Variants in SSPN observed in about 807,000 individuals in gnomAD.
The protein encoded by SSPN is K-ras oncogene-associated protein.
Under a neutral mutation model 19.1 loss-of-function variants are expected in SSPN, and 15 were observed. The observed-to-expected ratio is 0.78, with a 90% CI of 0.52 to 1.21. The LOEUF is 1.21. Ranked by LOEUF, SSPN falls within the 50% of genes most tolerant of loss-of-function variation. The probability of loss-of-function intolerance (pLI) is 0.00; values close to 1 mark genes in which losing one functional copy is unlikely to be tolerated. For synonymous variants in SSPN, 147 were observed against 140.3 expected, an observed-to-expected ratio of 1.05 and a Z score of -0.34; for missense variants, 291 against 314.0, an observed-to-expected ratio of 0.93 and a Z score of 0.55.
intron 1 of SSPN, among the ~76,000 whole-genome samples, chr12:26,186,439 C>T (rs1383396875): frequency 2.6e-5 from 4 of 152,322 alleles, no homozygotes; most frequent in Middle Eastern, 3.4e-3. Context: ...CTGGCATTTC[C>T]TCATATGCCA....
At chr12:26,191,162 T>C (rs897057458), upstream of SSPN, among the ~76,000 whole-genome samples, 2 of 152,250 alleles carry the variant, frequency 1.3e-5, no homozygotes, top group African/African-American at 2.4e-5. Context: ...ATTCTTCTCC[T>C]GTATTTCTCA....
chr12:26,228,187 G>C (rs1945196008), intron 2 of SSPN, among the ~76,000 whole-genome samples: 2 of 152,016 alleles, frequency 1.3e-5, no homozygotes, highest in South Asian at 4.2e-4. Flanking sequence ...CTTGAGGTCA[G>C]GAGTTCAAGA....
intron 1 of SSPN, chr12:26,122,335 C>G: frequency 1.7e-6 from 2 of 1,160,624 alleles, no homozygotes; most frequent in Non-Finnish European, 2.1e-6. Flanking sequence ...GCCGCCGGGG[C>G]GGGGATGCCG....
intron 1 of SSPN, among the ~76,000 whole-genome samples, chr12:26,164,433 G>C (rs1944608459): frequency 6.6e-6 from 1 of 152,188 alleles, no homozygotes; most frequent in South Asian, 2.1e-4. Context: ...CCAGCACTTT[G>C]GGAGGCCGAG....
chr12:26,194,104 C>A (rs1469067275), upstream of SSPN, among the ~76,000 whole-genome samples: 3 of 152,148 alleles, frequency 2.0e-5, no homozygotes, highest in Non-Finnish European at 4.4e-5. Context: ...CTGAATGTTA[C>A]AATGACCATA....
At chr12:26,196,713 G>A (rs1313254299) in intron 1 of SSPN, among the ~76,000 whole-genome samples, 1 of 152,192 alleles carries the variant, frequency 6.6e-6, no homozygotes, top group Non-Finnish European at 1.5e-5. Flanking sequence ...CGCCCTGCTA[G>A]AGGCCTGACA....
chr12:26,134,114 A>G (rs1027184002), intron 1 of SSPN, among the ~76,000 whole-genome samples: 1 of 152,164 alleles, frequency 6.6e-6, no homozygotes, highest in Non-Finnish European at 1.5e-5. Context: ...TCTTGCCTAC[A>G]TCTCAGTCTC....
intron 1 of SSPN, chr12:26,122,801 G>A: frequency 1.9e-6 from 3 of 1,592,838 alleles, no homozygotes; most frequent in Non-Finnish European, 2.6e-6. Context: ...AGCCGCTGTC[G>A]GTGTCCGTGT....
chr12:26,226,589 C>T (rs1415163080), intron 2 of SSPN, among the ~76,000 whole-genome samples: 1 of 152,088 alleles, frequency 6.6e-6, no homozygotes, highest in Non-Finnish European at 1.5e-5. Flanking sequence ...GCCACCAGCG[C>T]GTTCCTTTTT....
At chr12:26,128,971 G>A (rs1037773911) in intron 1 of SSPN, among the ~76,000 whole-genome samples, 1 of 152,174 alleles carries the variant, frequency 6.6e-6, no homozygotes, top group Non-Finnish European at 1.5e-5. Flanking sequence ...TATCCTGTTT[G>A]CAAAGTCTTG....
At position 26,124,866 on chromosome 12, in the gene SSPN, G is replaced by A. The variant is rs1012581178; in HGVS notation, c.-31+2714G>A. ...ACGGTAGGCTTGGGAGACCTTGGGGGGATCTGTGCGTCTCCAGTCTCTCTC... is the reference window on the plus strand; with the variant it reads ...ACGGTAGGCTTGGGAGACCTTGGGGAGATCTGTGCGTCTCCAGTCTCTCTC... On this transcript the variant is annotated intron_variant, in intron 1 of 2. Coordinates refer to the SSPN transcript ENST00000538142. The A allele has an allele frequency of 9.4e-6, 12 of 1,276,826 alleles. No individual in the cohort carries two copies. In the African/African-American group the frequency reaches 1.8e-4, roughly 19 times the overall value. 79.1% of individuals were successfully genotyped at this position (1,276,826 alleles called of 1,614,324 possible).
At chr12:26,130,723 C>G (rs151147946) in intron 1 of SSPN, among the ~76,000 whole-genome samples, 63 of 152,248 alleles carry the variant, frequency 4.1e-4, no homozygotes, top group African/African-American at 1.4e-3. Flanking sequence ...TGAAGGTAAG[C>G]AGTCCAGGGG....
intron 1 of SSPN, among the ~76,000 whole-genome samples, chr12:26,131,577 T>C (rs1944397675): frequency 6.6e-6 from 1 of 152,134 alleles, no homozygotes; most frequent in African/African-American, 2.4e-5. Context: ...GGTCAGAAGA[T>C]TGTGGGAGGG....
Position 26,232,552 on chromosome 12 carries a change from A to G in SSPN, c.*1476A>G. 1 of 985,452 alleles carries G rather than the reference A, an allele frequency of 1.0e-6. No individual in the cohort carries two copies. Among genetic ancestry groups the G allele is most frequent in the Non-Finnish European group, 1.2e-6 (1 of 829,922 alleles). The allele number at this position is 985,452 out of a possible 1,614,324, so 61.0% of individuals were successfully genotyped here. On this transcript the variant is annotated 3_prime_UTR_variant, in exon 3 of 3. Transcript: ENST00000242729. ...GCATTGCCTATTGATACACTTTACT[A>G]ATCATGAAATTCTAACCTAAAAGGA...
intron 1 of SSPN, among the ~76,000 whole-genome samples, chr12:26,148,009 A>T (rs530235666): frequency 6.6e-6 from 1 of 152,358 alleles, no homozygotes; most frequent in Admixed American, 6.5e-5. Context: ...TAATTTTATA[A>T]AACAGACATG....
chr12:26,231,337 T>C lies in SSPN; in HGVS notation c.*261T>C, dbSNP rs1945230528. ...AACAGAACACTGAACAAGGAAAGAA[T>C]GGCATAGATCTATCTTTACAGTCTG... On this transcript the variant is annotated 3_prime_UTR_variant, in exon 3 of 3. Coordinates refer to ENST00000242729, the MANE Select transcript of SSPN (RefSeq NM_005086.5). The C allele has an allele frequency of 7.4e-6, 3 of 407,950 alleles. No individual in the cohort carries two copies. Among genetic ancestry groups the C allele is most frequent in the Admixed American group, 4.2e-5 (1 of 23,704 alleles). 25.3% of individuals were successfully genotyped at this position (407,950 alleles called of 1,614,324 possible).
intron 1 of SSPN, chr12:26,122,282 CGCGGCGGCGGCGGCGGCAGCGGCG>C (rs942589828): frequency 5.8e-6 from 7 of 1,202,370 alleles, no homozygotes; most frequent in South Asian, 4.2e-5. Flanking sequence ...GGCAGGGGAA[CGCGGCGGCGGCGGCGGCAGCGGCG>C]GCGGCGGCTG....
intron 1 of SSPN, among the ~76,000 whole-genome samples, chr12:26,183,295 G>T (rs1006302505): frequency 1.3e-5 from 2 of 152,008 alleles, no homozygotes; most frequent in African/African-American, 4.8e-5. Context: ...AAACTTTCTT[G>T]TAGAAATGGG....
At chr12:26,142,659 G>C (rs1402419815) in intron 1 of SSPN, among the ~76,000 whole-genome samples, 2 of 152,180 alleles carry the variant, frequency 1.3e-5, no homozygotes, top group Non-Finnish European at 2.9e-5. Context: ...ATTTATATCT[G>C]GAATGAATGG....
Sources: allele counts gnomAD v4.1 joint callset (sites outside exome capture counted in the v4.1 genomes callset), GRCh38; gene constraint gnomAD v4.1.1; transcripts MANE v1.5; gene names NCBI Gene and HGNC (gene_info 2026-07-23, HGNC 2026-07-21).